The following WHRN variants were observed in gnomAD, a reference collection of about 807,000 sequenced individuals.
WHRN encodes CASK-interacting protein CIP98.
WHRN carries 41 observed loss-of-function variants against 68.3 expected under a neutral mutation model. The ratio of observed to expected loss-of-function variants is 0.60; its 90% confidence interval spans 0.47 to 0.78. WHRN has a LOEUF of 0.78. Ranked by LOEUF, WHRN falls within the 30% of genes least tolerant of loss-of-function variation. WHRN has a pLI of 0.00. For missense variants in WHRN, 1,243 were observed against 1,244.7 expected, an observed-to-expected ratio of 1.00 and a Z score of 0.02; for synonymous variants, 560 against 561.3, an observed-to-expected ratio of 1.00 and a Z score of 0.03.
intron 7 of WHRN, 36 bp from the exon 8 acceptor site, chr9:114,408,054 A>C (rs1244747813): frequency 7.8e-6 from 12 of 1,538,864 alleles, no homozygotes; most frequent in Non-Finnish European, 1.1e-5. Flanking sequence ...GAGCAAACAG[A>C]AGCTGAGAAG....
intron 7 of WHRN, among the ~76,000 whole-genome samples, chr9:114,410,013 T>C (rs553923945): frequency 2.0e-4 from 31 of 152,230 alleles, no homozygotes; most frequent in Admixed American, 2.6e-4. Flanking sequence ...CCTTTCCTGC[T>C]ACTCCAACAT....
At chr9:114,414,653 C>A (rs921404450) in intron 7 of WHRN, among the ~76,000 whole-genome samples, 1 of 152,226 alleles carries the variant, frequency 6.6e-6, no homozygotes, top group African/African-American at 2.4e-5. Context: ...CAGGGGAAGG[C>A]AGGTGTTCCA....
chr9:114,415,285 A>C (rs1835735434), intron 7 of WHRN, among the ~76,000 whole-genome samples: 1 of 150,820 alleles, frequency 6.6e-6, no homozygotes, highest in Non-Finnish European at 1.5e-5. Context: ...AAAAAAAAAA[A>C]AACACAAACA....
At chr9:114,404,228 G>A (rs902081787) in intron 9 of WHRN, 151 bp from the exon 10 acceptor site, 4 of 881,004 alleles carry the variant, frequency 4.5e-6, no homozygotes, top group Admixed American at 2.0e-5. Flanking sequence ...GGGGCCAGAG[G>A]GCAGGTCCAC....
chr9:114,497,466 C>T (rs1843555333), intron 1 of WHRN, among the ~76,000 whole-genome samples: 1 of 151,588 alleles, frequency 6.6e-6, no homozygotes, highest in Admixed American at 6.6e-5. Context: ...TTGGCCTTCA[C>T]CCAAAATGCT....
intron 3 of WHRN, among the ~76,000 whole-genome samples, chr9:114,435,861 C>T (rs1288767043): frequency 1.3e-5 from 2 of 151,268 alleles, no homozygotes; most frequent in Non-Finnish European, 2.9e-5. Context: ...GTTAACAACA[C>T]CTATATGAAG....
rs76778112 is a variant in WHRN, at chr9:114,447,464, A to C, written c.963+18803T>G. On this transcript the variant is annotated intron_variant, in intron 3 of 11. Coordinates refer to ENST00000362057, the MANE Select transcript of WHRN (RefSeq NM_015404.4). ...ATACTGCCTGTACATCAGAGATGTT[A>C]ATTGTTATCCAGTTATCAGGTAGTA... Among the ~76,000 whole-genome samples the C allele has an allele frequency of 1.5e-3, 224 of 152,322 alleles. 1 individual carries two copies. The highest frequency in any genetic ancestry group is 5.0e-3 in the African/African-American group (207 of 41,566).
chr9:114,403,224 G>A lies in WHRN; in HGVS notation c.2534C>T (p.Thr845Ile). Residue 845 changes from threonine (T) to isoleucine (I), a missense_variant, in exon 11 of 12, where the codon ACT becomes ATT. By Grantham distance (89) the Thr-to-Ile change is moderately conservative (BLOSUM62 -1). Transcript: ENST00000362057. ...GGGCCCCTGGGGACATACCTGAATA[G>A]TGACAATCCTAGGCAGGGGCTGGCG... Reference protein sequence around the residue: ...NTRQPLPRIVTIQRGGSAHNC... With the variant: ...NTRQPLPRIVIIQRGGSAHNC... 1.2e-6 allele frequency: 2 copies of A among 1,614,206 alleles called. No homozygotes were observed. The highest frequency in any genetic ancestry group is 1.7e-5 in the Admixed American group (1 of 60,032).
Position 114,406,859 on chromosome 9 carries a change from T to C in WHRN, c.1732A>G (p.Ser578Gly). The C allele has an allele frequency of 6.3e-7, 1 of 1,593,138 alleles. No individual in the cohort carries two copies. Among genetic ancestry groups the C allele is most frequent in the Non-Finnish European group, 8.5e-7 (1 of 1,169,902 alleles). Residue 578 changes from serine to glycine, a missense_variant, in exon 9 of 12, where the codon AGC becomes GGC. Physicochemically the swap from Ser to Gly is moderately conservative, Grantham distance 56. Coordinates refer to ENST00000362057, the MANE Select transcript of WHRN (RefSeq NM_015404.4). ...DVRSTSQGLS[S>G]FKPLPRPPPL... is the part of the protein sequence containing the mutation. The stretch of plus-strand genomic sequence containing the variant: ...GGTGGGCGAGGCAGTGGCTTGAAGC[T>C]TGACAGCCCCTGGGAGGTGGATCTG...
chr9:114,475,303 T>C (rs1841559293), intron 2 of WHRN, among the ~76,000 whole-genome samples: 1 of 152,208 alleles, frequency 6.6e-6, no homozygotes, highest in South Asian at 2.1e-4. Flanking sequence ...CTATAGAGGC[T>C]GCGGGTTAGA....
At chr9:114,461,008 A>G (rs1193681111) in intron 3 of WHRN, among the ~76,000 whole-genome samples, 1 of 152,222 alleles carries the variant, frequency 6.6e-6, no homozygotes, top group Non-Finnish European at 1.5e-5. Flanking sequence ...TGGAAGGGAA[A>G]GTACAATAAA....
Position 114,407,950 on chromosome 9 carries a change from G to A in WHRN, c.1695C>T (p.Ser565=), listed in dbSNP as rs558215535. ...QGNINALPDV[S]VDDVRSTSQG... is the part of the protein sequence containing the mutation. The stretch of plus-strand genomic sequence containing the variant: ...AAAGGGCCAGCCAGGGCCTTACCAC[G>A]GACACATCTGGGAGGGCGTTGATAT... Residue 565 remains serine (S), a synonymous_variant, in exon 8 of 12, where the codon TCC becomes TCT. Coordinates refer to ENST00000362057, the MANE Select transcript of WHRN (RefSeq NM_015404.4). 12 of 1,600,002 alleles carry A rather than the reference G, an allele frequency of 7.5e-6. No homozygotes were observed. Among genetic ancestry groups the A allele is most frequent in the Middle Eastern group, 1.7e-4 (1 of 6,056 alleles).
chr9:114,500,517 C>A (rs1460118308), intron 1 of WHRN, among the ~76,000 whole-genome samples: 2 of 152,106 alleles, frequency 1.3e-5, no homozygotes, highest in Admixed American at 1.3e-4. Context: ...ATGAAATTAC[C>A]GGCAACAGTT....
Position 114,406,546 on chromosome 9 carries a change from C to T in WHRN, c.2045G>A (p.Arg682Gln), listed in dbSNP as rs759899337. 12 of 1,612,726 alleles carry T rather than the reference C, an allele frequency of 7.4e-6. No homozygotes were observed. The highest frequency in any genetic ancestry group is 2.2e-5 in the East Asian group (1 of 44,864). The change falls in exon 9 of 12, where the codon CGG (arginine) becomes CAG (glutamine). Residue 682 changes from arginine to glutamine, a missense_variant. Coordinates refer to ENST00000362057, the MANE Select transcript of WHRN (RefSeq NM_015404.4). The part of the protein sequence containing the change: ...VNQHPIGPFP[R>Q]VQSPPHLKSP... ...TTTCAGGTGCGGGGGTGACTGGACC[C>T]GTGGGAAGGGGCCGATGGGGTGTTG...
intron 1 of WHRN, among the ~76,000 whole-genome samples, chr9:114,493,162 C>T (rs961073799): frequency 1.3e-5 from 2 of 151,676 alleles, no homozygotes; most frequent in Admixed American, 1.3e-4. Flanking sequence ...CCAGCCTGGG[C>T]GACATAGTGA....
chr9:114,453,880 A>C (rs1839550087), intron 3 of WHRN, among the ~76,000 whole-genome samples: 2 of 152,172 alleles, frequency 1.3e-5, no homozygotes, highest in African/African-American at 4.8e-5. Flanking sequence ...AACCCAGACC[A>C]CTATCCTTCA....
At chr9:114,450,849 T>C (rs570961557) in intron 3 of WHRN, among the ~76,000 whole-genome samples, 79 of 151,830 alleles carry the variant, frequency 5.2e-4, no homozygotes, top group Non-Finnish European at 1.1e-3. Context: ...AAAAATACTT[T>C]CTGCTGAGAT....
intron 3 of WHRN, among the ~76,000 whole-genome samples, chr9:114,431,131 G>A (rs1386251036): frequency 6.6e-6 from 1 of 152,152 alleles, no homozygotes; most frequent in Non-Finnish European, 1.5e-5. Context: ...GTGGAGTGTG[G>A]AGTCCCATCC....
rs929082013 is a variant in WHRN at position 114,491,875 on chromosome 9, G to C, written c.618+12309C>G. 4 of 263,082 alleles carry C rather than the reference G, an allele frequency of 1.5e-5. No homozygotes were observed. The South Asian group carries it at 6.0e-4, about 39-fold the overall frequency. 16.3% of individuals were successfully genotyped at this position (263,082 alleles called of 1,614,324 possible). A position where few individuals can be genotyped will look rare whatever the true frequency, so the allele number is the denominator to read the frequency against. Reference sequence around the variant, plus strand: ...CTTCCCTTTGCCCTGAGTCTGCAGCGGGTCCCTTTTGTGCTTCCTTCCCCC... The same window carrying C: ...CTTCCCTTTGCCCTGAGTCTGCAGCCGGTCCCTTTTGTGCTTCCTTCCCCC... On this transcript the variant is annotated intron_variant, in intron 1 of 11. Coordinates refer to ENST00000362057, the MANE Select transcript of WHRN (RefSeq NM_015404.4).
Sources: allele counts gnomAD v4.1 joint callset (sites outside exome capture counted in the v4.1 genomes callset), GRCh38; gene constraint gnomAD v4.1.1; transcripts MANE v1.5; gene names NCBI Gene and HGNC (gene_info 2026-07-23, HGNC 2026-07-21).